Variants in TRPM6 observed in about 807,000 individuals in gnomAD.
The protein encoded by TRPM6 is channel kinase 2.
TRPM6 carries 111 observed loss-of-function variants against 247.6 expected under a neutral mutation model. That is an observed-to-expected ratio of 0.45 (90% confidence interval 0.38 to 0.52). TRPM6 has a LOEUF of 0.52. Among genes scored for constraint, TRPM6 ranks in the 20% least tolerant of loss-of-function variants. The probability of loss-of-function intolerance (pLI) is 0.00; values close to 1 mark genes in which losing one functional copy is unlikely to be tolerated. For synonymous variants in TRPM6, 892 were observed against 853.8 expected (o/e 1.04, Z -0.78); for missense variants, 2,126 against 2,421.5 (o/e 0.88, Z 2.56).
Position 74,761,544 on chromosome 9 carries a change from T to C in TRPM6, c.4785+152A>G, listed in dbSNP as rs1416245851. On this transcript the variant is annotated intron_variant, in intron 27 of 38. Transcript: ENST00000360774. ...GGACAACATAGCAAGACCCCACCCA[T>C]CTCTTAAAAAGAGGAACAAATTATA... The C allele has an allele frequency of 9.3e-6, 6 of 642,662 alleles. No homozygotes were observed. The East Asian group carries it at 1.9e-4, about 20-fold the overall frequency. 39.8% of individuals were successfully genotyped at this position (642,662 alleles called of 1,614,324 possible).
At chr9:74,795,790 C>T (rs1828076256) in intron 18 of TRPM6, among the ~76,000 whole-genome samples, 1 of 152,166 alleles carries the variant, frequency 6.6e-6, no homozygotes, top group Non-Finnish European at 1.5e-5. Context: ...TTTCACATGG[C>T]AAAGTTATTC....
chr9:74,787,819 A>C (rs1176899893), intron 20 of TRPM6, among the ~76,000 whole-genome samples: 1 of 152,132 alleles, frequency 6.6e-6, no homozygotes, highest in African/African-American at 2.4e-5. Context: ...GGATTCAAGC[A>C]ATTCTCCTGC....
chr9:74,779,267 G>A (rs574498458), intron 23 of TRPM6, among the ~76,000 whole-genome samples: 9 of 152,120 alleles, frequency 5.9e-5, no homozygotes, highest in African/African-American at 1.9e-4. Flanking sequence ...GTGACAGAGT[G>A]AATCCCTATC....
chr9:74,819,881 C>T (rs1406128579), intron 9 of TRPM6, among the ~76,000 whole-genome samples: 2 of 152,110 alleles, frequency 1.3e-5, no homozygotes, highest in African/African-American at 4.8e-5. Flanking sequence ...ATGGAGAGTG[C>T]GGACAGCAGT....
At chr9:74,775,242 T>C (rs1827179609) in intron 24 of TRPM6, among the ~76,000 whole-genome samples, 1 of 152,176 alleles carries the variant, frequency 6.6e-6, no homozygotes, top group Non-Finnish European at 1.5e-5. Context: ...GAAGTGGCTA[T>C]TCACAGGCAT....
chr9:74,775,498 CTCCA>C (rs1827187257), intron 24 of TRPM6, among the ~76,000 whole-genome samples: 1 of 152,174 alleles, frequency 6.6e-6, no homozygotes, highest in Non-Finnish European at 1.5e-5. Flanking sequence ...CCTTCTGTAA[CTCCA>C]TTCTGTCTGA....
intron 25 of TRPM6, among the ~76,000 whole-genome samples, chr9:74,764,638 A>T (rs1276649770): frequency 1.3e-5 from 2 of 152,252 alleles, no homozygotes; most frequent in African/African-American, 4.8e-5. Context: ...ATTTTGCTGC[A>T]GCAGCCTGGG....
chr9:74,818,068 C>A (rs965685089), intron 9 of TRPM6, among the ~76,000 whole-genome samples: 2 of 152,104 alleles, frequency 1.3e-5, no homozygotes, highest in African/African-American at 2.4e-5. Context: ...CTCAATTGTA[C>A]AACCCAATTC....
intron 27 of TRPM6, among the ~76,000 whole-genome samples, chr9:74,760,736 T>C (rs1009867471): frequency 6.6e-6 from 1 of 152,198 alleles, no homozygotes; most frequent in Non-Finnish European, 1.5e-5. Context: ...CCAAAACTCA[T>C]GTTAAAACTT....
At chr9:74,800,965 C>G (rs550999530) in intron 16 of TRPM6, among the ~76,000 whole-genome samples, 10 of 146,304 alleles carry the variant, frequency 6.8e-5, no homozygotes, top group African/African-American at 2.6e-4. Flanking sequence ...GTAAGGAAAG[C>G]TGTGGAGTCA....
chr9:74,812,383 C>T lies in TRPM6; in HGVS notation c.1359G>A (p.Val453=). 6.2e-7 allele frequency: 1 copy of T among 1,613,986 alleles called. No individual in the cohort carries two copies. ...ATTCTATTAAGAGCTTCACAAAATC[C>T]ACCCGATCCATCACTAAAGCATCTG... is the stretch of plus-strand genomic sequence containing the variant. ...AMSDALVMDR[V]DFVKLLIEYG... The change falls in exon 12 of 39, where the codon GTG becomes GTA. Residue 453 remains valine, a synonymous_variant. Transcript: ENST00000360774.
At chr9:74,881,974 A>G (rs555134105) in intron 1 of TRPM6, among the ~76,000 whole-genome samples, 1 of 152,192 alleles carries the variant, frequency 6.6e-6, no homozygotes, top group Non-Finnish European at 1.5e-5. Flanking sequence ...TCAATAAATC[A>G]TGCTGGGAAA....
chr9:74,729,575 G>C (rs1825451680), intron 37 of TRPM6, among the ~76,000 whole-genome samples: 1 of 152,176 alleles, frequency 6.6e-6, no homozygotes, highest in Non-Finnish European at 1.5e-5. Flanking sequence ...CTCTTACAGA[G>C]TACAGCTCTG....
rs1828596161 is a variant in TRPM6 at position 74,808,162 on chromosome 9, A to C, written c.1510T>G (p.Ser504Ala). The part of the protein sequence containing the change: ...VQDVKQHTLL[S>A]GYRITLIDIG... ...TCAATCAAGGTTATTCGGTAGCCTGAAAGAAGGGTATGCTGCAACAAAAAC... is the reference window on the plus strand; with the variant it reads ...TCAATCAAGGTTATTCGGTAGCCTGCAAGAAGGGTATGCTGCAACAAAAAC... The change falls in exon 14 of 39, where the codon TCA becomes GCA. Residue 504 changes from serine (S) to alanine (A), a missense_variant. Transcript: ENST00000360774. 1 of 1,613,854 alleles carries C rather than the reference A, an allele frequency of 6.2e-7. No homozygotes were observed. Among genetic ancestry groups the C allele is most frequent in the Non-Finnish European group, 8.5e-7 (1 of 1,179,908 alleles).
intron 27 of TRPM6, 34 bp downstream of exon 27, chr9:74,761,662 C>CA (rs1473391767): frequency 7.1e-7 from 1 of 1,411,366 alleles, no homozygotes; most frequent in Admixed American, 1.7e-5. Context: ...CTTGACTGCT[C>CA]AAAACCTAAA....
chr9:74,740,085 T>C (rs1825815422), intron 33 of TRPM6, 76 bp from the exon 34 acceptor site: 2 of 1,520,806 alleles, frequency 1.3e-6, no homozygotes, highest in Middle Eastern at 2.2e-4. Context: ...TAAATATCAA[T>C]GCAGAATCAG....
intron 27 of TRPM6, among the ~76,000 whole-genome samples, chr9:74,755,837 AG>A (rs1208423967): frequency 1.3e-5 from 2 of 152,204 alleles, no homozygotes; most frequent in Non-Finnish European, 2.9e-5. Context: ...TTAAGTTCCC[AG>A]GTGATGCTCA....
chr9:74,853,388 A>T (rs1170532937), intron 3 of TRPM6, among the ~76,000 whole-genome samples: 1 of 152,210 alleles, frequency 6.6e-6, no homozygotes, highest in Non-Finnish European at 1.5e-5. Context: ...GCGGGCCATG[A>T]TGACGATGGC....
Position 74,810,747 on chromosome 9 carries a change from A to C in TRPM6, c.1497+68T>G, listed in dbSNP as rs1828700729. 2.8e-6 allele frequency: 4 copies of C among 1,420,784 alleles called. No homozygotes were observed. In the South Asian group the frequency reaches 4.6e-5, roughly 16 times the overall value. 88.0% of individuals were successfully genotyped at this position (1,420,784 alleles called of 1,614,324 possible). ...ATCTGCATTTTACAAAGCAAAATTC[A>C]GTGACTCCTCCAACACAAAGCTAAG... On this transcript the variant is annotated intron_variant, in intron 13 of 38. Transcript: ENST00000360774.
Sources: gnomAD v4.1 joint callset for allele counts (sites outside exome capture counted in the v4.1 genomes callset) on GRCh38, gnomAD v4.1.1 for gene constraint, MANE v1.5 for transcripts, NCBI Gene and HGNC (gene_info 2026-07-23, HGNC 2026-07-21) for gene names.